HK2: variants seen among roughly 807,000 people sequenced by gnomAD.
HK2 encodes the protein hexokinase 2.
In HK2, 42 loss-of-function variants were observed where a neutral mutation model predicts 92.9. The ratio of observed to expected loss-of-function variants is 0.45; its 90% confidence interval spans 0.35 to 0.58. The LOEUF (loss-of-function observed/expected upper bound fraction) is 0.58. Ranked by LOEUF, HK2 falls within the 20% of genes least tolerant of loss-of-function variation. The pLI, the probability that HK2 is intolerant of heterozygous loss-of-function variation, is 0.00. For synonymous variants in HK2, 422 were observed against 468.0 expected, an observed-to-expected ratio of 0.90 and a Z score of 1.27; for missense variants, 978 against 1,245.1, an observed-to-expected ratio of 0.79 and a Z score of 3.23.
chr2:74,871,062 T>C (rs904074908), intron 3 of HK2, among the ~76,000 whole-genome samples: 3 of 152,190 alleles, frequency 2.0e-5, no homozygotes, highest in Admixed American at 1.3e-4. Context: ...GTAAGAACTT[T>C]CTGTGGTTTG....
chr2:74,879,721 TC>T (rs1483487306), intron 9 of HK2, among the ~76,000 whole-genome samples: 1 of 152,170 alleles, frequency 6.6e-6, no homozygotes, highest in Non-Finnish European at 1.5e-5. Flanking sequence ...CCCAGAGAGT[TC>T]CTGGCTGAAC....
chr2:74,887,984 C>G lies in HK2; in HGVS notation c.2301C>G (p.Leu767=), dbSNP rs1030300441. The part of the protein sequence containing the change: ...ILIDFTKRGL[L]FRGRISERLK... ...TCGATTTCACCAAGCGTGGACTACTCTTCCGAGGCCGCATCTCAGAGCGGC... is the reference window on the plus strand; with the variant it reads ...TCGATTTCACCAAGCGTGGACTACTGTTCCGAGGCCGCATCTCAGAGCGGC... The change falls in exon 16 of 18, where the codon CTC becomes CTG. Residue 767 remains leucine (L), a synonymous_variant. Transcript: ENST00000290573. 2 of 1,614,158 alleles carry G rather than the reference C, an allele frequency of 1.2e-6. No homozygotes were observed. The highest frequency in any genetic ancestry group is 4.5e-5 in the East Asian group (2 of 44,884).
rs768220333 is a variant in HK2 at position 74,886,660 on chromosome 2, C to T, written c.2206C>T (p.Pro736Ser). 1.9e-6 allele frequency: 3 copies of T among 1,613,836 alleles called. No homozygotes were observed. The highest frequency in any genetic ancestry group is 2.5e-6 in the Non-Finnish European group (3 of 1,179,972). Residue 736 changes from proline to serine, a missense_variant, in exon 15 of 18, where the codon CCC becomes TCC. Transcript: ENST00000290573. ...GGCTGTGGATGAGCTTTCACTCAAC[C>T]CCGGCAAGCAGAGGTAGGCACCCAA... ...DVAVDELSLN[P>S]GKQRFEKMIS...
rs547351521 is a variant in HK2, at chr2:74,881,862, G to A, written c.1719+3G>A. On this transcript the variant is annotated splice_donor_region_variant and intron_variant, in intron 11 of 17. Transcript: ENST00000290573. ...TCATGCACGGCACCGGGGACGAGGT[G>A]AGCAGGGCGGCGCCTTCAGGAGGGG... 6.2e-7 allele frequency: 1 copy of A among 1,614,104 alleles called. No homozygotes were observed. The highest frequency in any genetic ancestry group is 1.1e-5 in the South Asian group (1 of 91,066).
intron 2 of HK2, among the ~76,000 whole-genome samples, chr2:74,860,987 T>C (rs971788228): frequency 6.6e-6 from 1 of 152,216 alleles, no homozygotes; most frequent in African/African-American, 2.4e-5. Context: ...CACACCATCT[T>C]GACCTCTCTG....
At chr2:74,888,155 A>G (rs1689586127) in intron 16 of HK2, 97 bp downstream of exon 16, 1 of 1,356,986 alleles carries the variant, frequency 7.4e-7, no homozygotes, top group South Asian at 1.2e-5. Context: ...CATGACTCAT[A>G]CAAAAGTCAG....
chr2:74,886,499 G>A lies in HK2; in HGVS notation c.2045G>A (p.Ser682Asn). ...CEVGLIVGTGSNACYMEEMRN... is the reference protein window; with the variant it reads ...CEVGLIVGTGNNACYMEEMRN... ...ATCCTGTGATTGGCAGGCACGGGCA[G>A]CAATGCCTGCTACATGGAGGAGATG... Residue 682 changes from serine (S) to asparagine (N), a missense_variant, in exon 15 of 18, where the codon AGC becomes AAC. Ser to Asn is a conservative substitution (Grantham distance 46, BLOSUM62 1). Around this residue, in one of 3 missense-constraint regions of HK2, gnomAD observed 742 missense variants for 922.5 expected, o/e 0.80. Transcript: ENST00000290573. 6.2e-7 allele frequency: 1 copy of A among 1,614,058 alleles called. No individual in the cohort carries two copies. Among genetic ancestry groups the A allele is most frequent in the Non-Finnish European group, 8.5e-7 (1 of 1,179,978 alleles).
At chr2:74,885,876 AC>A (rs1197841289) in intron 13 of HK2, among the ~76,000 whole-genome samples, 8 of 151,624 alleles carry the variant, frequency 5.3e-5, no homozygotes, top group African/African-American at 1.7e-4. Context: ...ACACACACAC[AC>A]ACACACACAG....
At position 74,880,274 on chromosome 2, in the gene HK2, G is replaced by A; in HGVS notation, c.1275G>A (p.Lys425=). The A allele has an allele frequency of 6.2e-7, 1 of 1,614,150 alleles. No individual in the cohort carries two copies. The highest frequency in any genetic ancestry group is 8.5e-7 in the Non-Finnish European group (1 of 1,180,028). Residue 425 remains lysine (K), a synonymous_variant, in exon 10 of 18, where the codon AAG becomes AAA. Coordinates refer to ENST00000290573, the MANE Select transcript of HK2 (RefSeq NM_000189.5). ...SVYKKHPHFA[K]RLHKTVRRLV... Reference sequence around the variant, plus strand: ...CCCTGGGGAACTGCAGTTTTGCCAAGCGTCTACATAAGACCGTGCGGCGGC... The same window carrying A: ...CCCTGGGGAACTGCAGTTTTGCCAAACGTCTACATAAGACCGTGCGGCGGC...
At chr2:74,849,920 G>A (rs1030236645) in intron 1 of HK2, among the ~76,000 whole-genome samples, 1 of 152,174 alleles carries the variant, frequency 6.6e-6, no homozygotes, top group African/African-American at 2.4e-5. Flanking sequence ...ACAAATCAAG[G>A]GTTGACCTGA....
At chr2:74,837,835 C>T (rs774989050) in intron 1 of HK2, among the ~76,000 whole-genome samples, 2 of 151,952 alleles carry the variant, frequency 1.3e-5, no homozygotes, top group African/African-American at 4.8e-5. Flanking sequence ...GCCACCATGC[C>T]CAGCTATTTT....
chr2:74,845,820 G>A (rs1688422420), intron 1 of HK2, among the ~76,000 whole-genome samples: 1 of 152,286 alleles, frequency 6.6e-6, no homozygotes, highest in East Asian at 1.9e-4. Context: ...TCTTCCCCCC[G>A]GCTCATCTTT....
chr2:74,887,876 C>T, intron 15 of HK2, 27 bp from the exon 16 acceptor site: 5 of 1,611,832 alleles, frequency 3.1e-6, no homozygotes, highest in Non-Finnish European at 4.2e-6. Context: ...TCCTACTTAA[C>T]CTCCATGAAT....
intron 2 of HK2, among the ~76,000 whole-genome samples, chr2:74,862,103 G>A (rs367754112): frequency 3.0e-4 from 45 of 152,350 alleles, no homozygotes; most frequent in African/African-American, 8.2e-4. Context: ...TGTGCTGAAC[G>A]CTGTGTTTGA....
At position 74,885,544 on chromosome 2, in the gene HK2, C is replaced by G. The variant is rs377323846; in HGVS notation, c.1890C>G (p.Gly630=). The change falls in exon 13 of 18, where the codon GGC becomes GGG. Residue 630 remains glycine, a synonymous_variant. Transcript: ENST00000290573. ...GCTTCAAGGCATCTGGCTGCGAGGG[C>G]GAGGACGTGGTGACCCTGCTGAAGG... ...TKGFKASGCE[G]EDVVTLLKEA... The G allele has an allele frequency of 1.2e-6, 2 of 1,613,852 alleles. No individual in the cohort carries two copies. Among genetic ancestry groups the G allele is most frequent in the Non-Finnish European group, 1.7e-6 (2 of 1,179,858 alleles).
chr2:74,860,199 G>A (rs1167483119), intron 2 of HK2, among the ~76,000 whole-genome samples: 1 of 150,532 alleles, frequency 6.6e-6, no homozygotes, highest in African/African-American at 2.5e-5. Flanking sequence ...CATGAGGGTA[G>A]GAGGGTGGGG....
chr2:74,887,496 T>C (rs954666609), intron 15 of HK2, among the ~76,000 whole-genome samples: 1 of 152,084 alleles, frequency 6.6e-6, no homozygotes, highest in African/African-American at 2.4e-5. Context: ...AGAGAATGTA[T>C]ACTGAATGCC....
rs28363012 is a variant in HK2, at chr2:74,876,939, T to A, written c.876-227T>A. Among the ~76,000 whole-genome samples the A allele has an allele frequency of 9.8e-3, 1,494 of 152,326 alleles. 26 individuals are homozygous for A. Among genetic ancestry groups the A allele is most frequent in the African/African-American group, 0.034 (1,418 of 41,562 alleles). ...TCCCTGTGTGTTTCATTTGGCTGCT[T>A]AAGTTTCATTTATTCTTCTCCATAG... On this transcript the variant is annotated intron_variant, in intron 7 of 17. Coordinates refer to ENST00000290573, the MANE Select transcript of HK2 (RefSeq NM_000189.5).
At chr2:74,838,700 G>A (rs771337256) in intron 1 of HK2, among the ~76,000 whole-genome samples, 1 of 151,954 alleles carries the variant, frequency 6.6e-6, no homozygotes, top group Non-Finnish European at 1.5e-5. Context: ...CACCATGCCC[G>A]GGTATTTTTT....
Sources: gnomAD v4.1 joint callset for allele counts (sites outside exome capture counted in the v4.1 genomes callset) on GRCh38, gnomAD v4.1.1 for gene constraint, gnomAD v4.1.1 regional missense constraint, MANE v1.5 for transcripts, NCBI Gene and HGNC (gene_info 2026-07-23, HGNC 2026-07-21) for gene names.